ADAM17: variants seen among roughly 807,000 people sequenced by gnomAD.
ADAM17 encodes ADAM metallopeptidase domain 17, also known as disintegrin and metalloproteinase domain-containing protein 17.
Under a neutral mutation model 96.7 loss-of-function variants are expected in ADAM17, and 39 were observed. That is an observed-to-expected ratio of 0.40 (90% CI 0.31 to 0.53). The LOEUF is 0.53. Among genes scored for constraint, ADAM17 ranks in the 20% least tolerant of loss-of-function variants. The pLI, the probability that ADAM17 is intolerant of heterozygous loss-of-function variation, is 0.44. For synonymous variants in ADAM17, 344 were observed against 359.2 expected (o/e 0.96, Z 0.48); for missense variants, 777 against 1,013.2 (o/e 0.77, Z 3.17).
chr2:9,543,435 AACTCC>A, intron 1 of ADAM17, 150 bp from the exon 2 acceptor site: 3 of 706,746 alleles, frequency 4.2e-6, no homozygotes, highest in Non-Finnish European at 6.0e-6. Context: ...TATCAACAGA[AACTCC>A]ACTGCCTCTT....
intron 10 of ADAM17, among the ~76,000 whole-genome samples, chr2:9,510,831 C>G (rs899297812): frequency 2.6e-5 from 4 of 151,756 alleles, no homozygotes; most frequent in Admixed American, 1.3e-4. Context: ...GACTTTGTCT[C>G]AAAAAAGAGT....
intron 4 of ADAM17, among the ~76,000 whole-genome samples, chr2:9,531,119 G>A (rs1041123391): frequency 2.0e-5 from 3 of 152,060 alleles, no homozygotes; most frequent in African/African-American, 7.2e-5. Flanking sequence ...CACCAAGCCT[G>A]GCTAATTTTT....
At position 9,536,820 on chromosome 2, in the gene ADAM17, T is replaced by C. The variant is rs775350065; in HGVS notation, c.239A>G (p.Lys80Arg). ...LTFSALKRHF[K>R]LYLTSSTERF... The stretch of plus-strand genomic sequence containing the variant: ...TTCAGTACTTGATGTCAGGTATAAT[T>C]TAAAATGCCTGAAGAAAAATGCATT... Residue 80 changes from lysine (K) to arginine (R), a missense_variant, in exon 3 of 19, where the codon AAA becomes AGA. Physicochemically the swap from Lys to Arg is conservative, Grantham distance 26 (BLOSUM62 2). Around this residue, in one of 3 missense-constraint regions of ADAM17, gnomAD observed 134 missense variants for 129.1 expected, o/e 1.04. Coordinates refer to ENST00000310823, the MANE Select transcript of ADAM17 (RefSeq NM_003183.6). 2 of 1,613,570 alleles carry C rather than the reference T, an allele frequency of 1.2e-6. No homozygotes were observed. Among genetic ancestry groups the C allele is most frequent in the Non-Finnish European group, 8.5e-7 (1 of 1,179,816 alleles).
At chr2:9,493,866 C>A (rs1662352664) in intron 15 of ADAM17, 41 bp from the exon 16 acceptor site, 1 of 1,523,290 alleles carries the variant, frequency 6.6e-7, no homozygotes, top group Non-Finnish European at 9.1e-7. Context: ...TTCCCAAACA[C>A]AATGTATTCA....
Position 9,527,804 on chromosome 2 carries a change from C to G in ADAM17, c.601G>C (p.Asp201His). ...NEELLPKGLV[D>H]REPPEELVHR... ...GTCTTACCTTCAGGTGGTTCTCTGT[C>G]TACTAACCCTTTTGGGAGCAACTCT... The change falls in exon 5 of 19, where the codon GAC becomes CAC. Residue 201 changes from aspartate (D) to histidine (H), a missense_variant. Asp to His is a moderately conservative substitution (Grantham distance 81). Transcript: ENST00000310823. 1 of 1,594,290 alleles carries G rather than the reference C, an allele frequency of 6.3e-7. No homozygotes were observed. The highest frequency in any genetic ancestry group is 1.2e-5 in the South Asian group (1 of 86,234).
intron 13 of ADAM17, 144 bp from the exon 14 acceptor site, chr2:9,497,392 G>C: frequency 9.6e-7 from 1 of 1,041,480 alleles, no homozygotes; most frequent in Non-Finnish European, 1.4e-6. Flanking sequence ...ACAAGAGCCT[G>C]CATCTCACCA....
intron 1 of ADAM17, among the ~76,000 whole-genome samples, chr2:9,551,748 C>A (rs537157421): frequency 6.6e-6 from 1 of 152,084 alleles, no homozygotes. Context: ...CATGAGCCAC[C>A]GCGCCTGGCC....
At chr2:9,538,657 T>C (rs1329814836) in intron 2 of ADAM17, among the ~76,000 whole-genome samples, 1 of 152,256 alleles carries the variant, frequency 6.6e-6, no homozygotes, top group Non-Finnish European at 1.5e-5. Flanking sequence ...TTTCATTTGC[T>C]ACATTAAGAA....
intron 1 of ADAM17, among the ~76,000 whole-genome samples, chr2:9,551,262 G>A (rs1239902305): frequency 6.6e-6 from 1 of 151,750 alleles, no homozygotes; most frequent in Non-Finnish European, 1.5e-5. Flanking sequence ...GGAAGGGGGG[G>A]AACGGAGAGA....
At chr2:9,535,009 T>C (rs940439037) in intron 4 of ADAM17, among the ~76,000 whole-genome samples, 6 of 152,228 alleles carry the variant, frequency 3.9e-5, no homozygotes, top group African/African-American at 1.4e-4. Flanking sequence ...ATTAACAAAC[T>C]ATAACATACT....
chr2:9,490,345 G>A lies in ADAM17; in HGVS notation c.2307C>T (p.Asp769=). 1 of 1,614,180 alleles carries A rather than the reference G, an allele frequency of 6.2e-7. No homozygotes were observed. The highest frequency in any genetic ancestry group is 8.5e-7 in the Non-Finnish European group (1 of 1,180,044). The change falls in exon 19 of 19, where the codon GAC becomes GAT. Residue 769 remains aspartate (D), a synonymous_variant. Transcript: ENST00000310823. ...CAAACCCATCCTCGTCCATATGTGAGTCTGTGCTGGGGTCTTCCTGGATGG... is the reference window on the plus strand; with the variant it reads ...CAAACCCATCCTCGTCCATATGTGAATCTGTGCTGGGGTCTTCCTGGATGG... The part of the protein sequence containing the change: ...MDTIQEDPST[D]SHMDEDGFEK...
intron 10 of ADAM17, among the ~76,000 whole-genome samples, chr2:9,513,736 G>C (rs1663871723): frequency 6.6e-6 from 1 of 151,978 alleles, no homozygotes. Context: ...AATAAATTTA[G>C]AAATTAAGGC....
intron 4 of ADAM17, among the ~76,000 whole-genome samples, chr2:9,530,203 G>A (rs1664682558): frequency 6.6e-6 from 1 of 152,178 alleles, no homozygotes; most frequent in Non-Finnish European, 1.5e-5. Context: ...TCCATATTTA[G>A]TAAAGTTCAT....
chr2:9,494,996 A>G, intron 14 of ADAM17: 1 of 402,484 alleles, frequency 2.5e-6, no homozygotes, highest in African/African-American at 2.0e-5. Context: ...GCAGAGAAAA[A>G]TCCATTCTAG....
At chr2:9,516,493 C>T (rs575146662) in intron 10 of ADAM17, among the ~76,000 whole-genome samples, 1 of 152,236 alleles carries the variant, frequency 6.6e-6, no homozygotes, top group South Asian at 2.1e-4. Flanking sequence ...AATCAGTATA[C>T]CAACCAGCCC....
At position 9,555,663 on chromosome 2, in the gene ADAM17, C is replaced by A. The variant is rs1304408008; in HGVS notation, c.-58G>T. The A allele has an allele frequency of 1.3e-5, 18 of 1,407,264 alleles. No homozygotes were observed. The African/African-American group carries it at 2.3e-4, about 18-fold the overall frequency. The allele number at this position is 1,407,264 out of a possible 1,614,324, so 87.2% of individuals were successfully genotyped here. A position where few individuals can be genotyped will look rare whatever the true frequency, so the allele number is the denominator to read the frequency against. The stretch of plus-strand genomic sequence containing the variant: ...GGGCAGCCTTCGCCTGACGGGGTTT[C>A]GGAAAACTGCTCACATCGGGGGAGG... On this transcript the variant is annotated 5_prime_UTR_variant, in exon 1 of 19. Transcript: ENST00000310823.
chr2:9,517,888 TA>T lies in ADAM17; in HGVS notation c.1191+12del. On this transcript the variant is annotated intron_variant, in intron 10 of 18. Transcript: ENST00000310823. Reference sequence around the variant, plus strand: ...AACTCTAACACTATTCTTTTAGAAATAAAAGAACATACCTTTGTAAGGATGG... The same window carrying T: ...AACTCTAACACTATTCTTTTAGAAATAAAGAACATACCTTTGTAAGGATGG... 1 of 1,530,512 alleles carries T rather than the reference TA, an allele frequency of 6.5e-7. No homozygotes were observed. Among genetic ancestry groups the T allele is most frequent in the Non-Finnish European group, 8.8e-7 (1 of 1,134,386 alleles). 94.8% of individuals were successfully genotyped at this position (1,530,512 alleles called of 1,614,324 possible).
At chr2:9,521,466 T>C in intron 7 of ADAM17, 150 bp from the exon 8 acceptor site, 1 of 428,826 alleles carries the variant, frequency 2.3e-6, no homozygotes, top group Non-Finnish European at 4.2e-6. Flanking sequence ...GTACCAATAT[T>C]CAATGTTTGA....
Position 9,555,588 on chromosome 2 carries a change from T to A in ADAM17, c.18A>T (p.Leu6=), listed in dbSNP as rs774461179. The A allele has an allele frequency of 3.1e-6, 5 of 1,590,558 alleles. No individual in the cohort carries two copies. The highest frequency in any genetic ancestry group is 4.3e-6 in the Non-Finnish European group (5 of 1,168,200). MRQSL[L]FLTSVVPFVL... is the part of the protein sequence containing the mutation. The stretch of plus-strand genomic sequence containing the variant: ...CGAAAGGAACCACGCTGGTCAGGAA[T>A]AGGAGAGACTGCCTCATGTTCCCGG... Residue 6 remains leucine, a synonymous_variant, in exon 1 of 19, where the codon CTA becomes CTT. Transcript: ENST00000310823.
Sources: gnomAD v4.1 joint callset for allele counts (sites outside exome capture counted in the v4.1 genomes callset) on GRCh38, gnomAD v4.1.1 for gene constraint, gnomAD v4.1.1 regional missense constraint, MANE v1.5 for transcripts, NCBI Gene and HGNC (gene_info 2026-07-23, HGNC 2026-07-21) for gene names.